PREX1: variants seen among roughly 807,000 people sequenced by gnomAD.
PREX1 encodes phosphatidylinositol 3,4,5-trisphosphate-dependent Rac exchanger 1 protein.
In PREX1, 41 loss-of-function variants were observed where a neutral mutation model predicts 198.3. That is an observed-to-expected ratio of 0.21 (90% confidence interval 0.16 to 0.27). PREX1 has a LOEUF of 0.27. Ranked by LOEUF, PREX1 falls within the 10% of genes least tolerant of loss-of-function variation. The pLI is 1.00. For synonymous variants in PREX1, 843 were observed against 887.2 expected (o/e 0.95, Z 0.89); for missense variants, 1,620 against 2,200.7 (o/e 0.74, Z 5.28).
At chr20:48,797,708 G>A (rs182965615) in intron 1 of PREX1, among the ~76,000 whole-genome samples, 7 of 152,312 alleles carry the variant, frequency 4.6e-5, no homozygotes, top group Admixed American at 4.6e-4. Flanking sequence ...CTGGCAAAGC[G>A]AGCTGCTCGT....
chr20:48,648,782 C>CT (rs2089469807), intron 25 of PREX1, among the ~76,000 whole-genome samples: 1 of 152,174 alleles, frequency 6.6e-6, no homozygotes, highest in South Asian at 2.1e-4. Context: ...CCCAAGGTGC[C>CT]ATTGAACCAC....
chr20:48,703,203 C>T (rs1463010494), intron 6 of PREX1, among the ~76,000 whole-genome samples: 2 of 152,232 alleles, frequency 1.3e-5, no homozygotes, highest in Non-Finnish European at 2.9e-5. Flanking sequence ...GCTCTGTGTC[C>T]GTGGTCCAGT....
chr20:48,697,679 C>T (rs1166675629), intron 7 of PREX1, among the ~76,000 whole-genome samples: 2 of 152,068 alleles, frequency 1.3e-5, no homozygotes, highest in Admixed American at 6.6e-5. Flanking sequence ...CTACTGCGCC[C>T]GGCCCTCTGT....
At chr20:48,864,468 G>C in the PREX1 span, among the ~76,000 whole-genome samples, 2 of 152,190 alleles carry the variant, frequency 1.3e-5, no homozygotes, top group East Asian at 1.9e-4. Flanking sequence ...AAAAAACTTT[G>C]TGTACTTTAT....
chr20:48,726,126 G>T (rs1366001335), intron 5 of PREX1, among the ~76,000 whole-genome samples, 164 bp downstream of exon 5: 1 of 152,234 alleles, frequency 6.6e-6, no homozygotes, highest in African/African-American at 2.4e-5. Context: ...CTGAATGGTG[G>T]AAAGCAGGGT....
chr20:48,624,448 T>C lies in PREX1; in HGVS notation c.*1437A>G, dbSNP rs985094054. 1 of 152,594 alleles carries C rather than the reference T, an allele frequency of 6.6e-6. No individual in the cohort carries two copies. The highest frequency in any genetic ancestry group is 1.5e-5 in the Non-Finnish European group (1 of 68,042). 9.5% of individuals were successfully genotyped at this position (152,594 alleles called of 1,614,324 possible). ...GTGACAAGGCCACTGCCTGCCCTCG[T>C]GTATGCTGCGGCAAGAGAGGGAAGC... On this transcript the variant is annotated 3_prime_UTR_variant, in exon 40 of 40. Coordinates refer to ENST00000371941, the MANE Select transcript of PREX1 (RefSeq NM_020820.4).
At position 48,688,768 on chromosome 20, in the gene PREX1, A is replaced by C; in HGVS notation, c.1223T>G (p.Met408Arg). The C allele has an allele frequency of 1.9e-6, 3 of 1,614,178 alleles. No homozygotes were observed. Among genetic ancestry groups the C allele is most frequent in the Non-Finnish European group, 2.5e-6 (3 of 1,180,020 alleles). ...KLGMERDAYVMIAEKGEKLYH... is the reference protein window; with the variant it reads ...KLGMERDAYVRIAEKGEKLYH... Reference sequence around the variant, plus strand: ...CAGCTTCTCCCCCTTCTCCGCAATCATGACGTAGGCATCACGCTCCATGCC... The same window carrying C: ...CAGCTTCTCCCCCTTCTCCGCAATCCTGACGTAGGCATCACGCTCCATGCC... The change falls in exon 10 of 40, where the codon ATG becomes AGG. Residue 408 changes from methionine to arginine, a missense_variant. By Grantham distance (91) the Met-to-Arg change is moderately conservative. Coordinates refer to ENST00000371941, the MANE Select transcript of PREX1 (RefSeq NM_020820.4).
At chr20:48,714,725 G>A (rs899779106) in intron 5 of PREX1, among the ~76,000 whole-genome samples, 1 of 152,226 alleles carries the variant, frequency 6.6e-6, no homozygotes, top group Non-Finnish European at 1.5e-5. Context: ...CCATGATCCA[G>A]CCATACCTGA....
At chr20:48,723,983 T>C (rs971180080) in intron 5 of PREX1, among the ~76,000 whole-genome samples, 4 of 152,172 alleles carry the variant, frequency 2.6e-5, no homozygotes, top group African/African-American at 9.7e-5. Flanking sequence ...TGCTGGTTCT[T>C]CTTATGGGTC....
chr20:48,736,407 A>AGCATGCACATGGAC (rs1344844814), intron 3 of PREX1, among the ~76,000 whole-genome samples: 1 of 152,218 alleles, frequency 6.6e-6, no homozygotes, highest in Non-Finnish European at 1.5e-5. Context: ...CACCAATGTC[A>AGCATGCACATGGAC]GCATGCACAT....
the PREX1 span, among the ~76,000 whole-genome samples, chr20:48,852,796 A>G: frequency 6.6e-6 from 1 of 152,252 alleles, no homozygotes; most frequent in Non-Finnish European, 1.5e-5. Flanking sequence ...CCAATAAATT[A>G]TGGTGCATCT....
chr20:48,757,494 A>AT (rs1033793688), intron 1 of PREX1, among the ~76,000 whole-genome samples: 23 of 152,264 alleles, frequency 1.5e-4, no homozygotes, highest in African/African-American at 5.3e-4. Flanking sequence ...AAAACAGGGC[A>AT]TGAATCACAC....
chr20:48,659,832 C>A, intron 16 of PREX1, 87 bp downstream of exon 16: 1 of 1,574,674 alleles, frequency 6.4e-7, no homozygotes, highest in Non-Finnish European at 8.7e-7. Context: ...GAGCCCCCTT[C>A]CCTGTGCATA....
At chr20:48,673,772 G>C (rs139953336) in intron 14 of PREX1, among the ~76,000 whole-genome samples, 21 of 152,282 alleles carry the variant, frequency 1.4e-4, no homozygotes, top group African/African-American at 5.1e-4. Context: ...CTTCTATATT[G>C]CATGTAATCT....
chr20:48,735,020 A>G (rs568607075), intron 3 of PREX1, among the ~76,000 whole-genome samples: 14 of 152,076 alleles, frequency 9.2e-5, no homozygotes, highest in Non-Finnish European at 1.8e-4. Flanking sequence ...AGTTAATAAA[A>G]GTCCCTAAGT....
intron 3 of PREX1, among the ~76,000 whole-genome samples, chr20:48,738,764 G>A (rs2016778632): frequency 6.6e-6 from 1 of 152,138 alleles, no homozygotes; most frequent in African/African-American, 2.4e-5. Flanking sequence ...ATTGTGAGAG[G>A]TGGCAGCTGC....
chr20:48,687,545 G>T (rs2089792335), intron 10 of PREX1, among the ~76,000 whole-genome samples: 1 of 152,190 alleles, frequency 6.6e-6, no homozygotes, highest in South Asian at 2.1e-4. Context: ...TGATAAAGTG[G>T]CAGCTTTTAC....
intron 1 of PREX1, among the ~76,000 whole-genome samples, chr20:48,763,716 G>C (rs2090195192): frequency 6.6e-6 from 1 of 152,200 alleles, no homozygotes; most frequent in African/African-American, 2.4e-5. Flanking sequence ...TCAGGGCCCA[G>C]GCCTCAGTGA....
At chr20:48,822,702 TG>T (rs1183190363) in intron 1 of PREX1, among the ~76,000 whole-genome samples, 1 of 152,238 alleles carries the variant, frequency 6.6e-6, no homozygotes, top group East Asian at 1.9e-4. Flanking sequence ...TCTTCCTGGT[TG>T]CCTTTCTGTA....
Sources: gnomAD v4.1 joint callset for allele counts (sites outside exome capture counted in the v4.1 genomes callset) on GRCh38, gnomAD v4.1.1 for gene constraint, MANE v1.5 for transcripts, NCBI Gene and HGNC (gene_info 2026-07-23, HGNC 2026-07-21) for gene names.